The following TUSC7 variants were observed in gnomAD, a reference collection of about 807,000 sequenced individuals.
The protein encoded by TUSC7 is tumor suppressor candidate 7.
chr3:116,713,074 C>G (rs530108893), intron 1 of TUSC7, among the ~76,000 whole-genome samples: 15 of 152,246 alleles, frequency 9.9e-5, no homozygotes, highest in Admixed American at 5.9e-4. Flanking sequence ...TCCCTTTCTT[C>G]TTATTCTAGA....
intron 1 of TUSC7, chr3:116,710,151 C>T (rs1187767809): frequency 2.0e-5 from 3 of 152,124 alleles, no homozygotes; most frequent in Non-Finnish European, 4.4e-5. Flanking sequence ...CCCAAGATTT[C>T]AGTGGTATTG....
intron 1 of TUSC7, among the ~76,000 whole-genome samples, chr3:116,710,732 T>C (rs2051456145): frequency 6.6e-6 from 1 of 152,146 alleles, no homozygotes; most frequent in Non-Finnish European, 1.5e-5. Flanking sequence ...ATGGTTTTTT[T>C]AGGAGTAAAC....
chr3:116,713,724 G>T (rs906732322), intron 1 of TUSC7, among the ~76,000 whole-genome samples: 1 of 152,182 alleles, frequency 6.6e-6, no homozygotes, highest in Non-Finnish European at 1.5e-5. Context: ...CCAGCACTTT[G>T]GGAGGCCGAG....
chr3:116,715,914 A>G (rs890120340), intron 1 of TUSC7, among the ~76,000 whole-genome samples: 2 of 152,182 alleles, frequency 1.3e-5, no homozygotes, highest in Admixed American at 6.6e-5. Flanking sequence ...TTGAGATTTT[A>G]TAATATTTTA....
intron 1 of TUSC7, chr3:116,716,125 T>G (rs1488907697): frequency 6.6e-6 from 1 of 152,228 alleles, no homozygotes; most frequent in Non-Finnish European, 1.5e-5. Context: ...TACTTATTTC[T>G]GATGAAAGCA....
intron 1 of TUSC7, among the ~76,000 whole-genome samples, chr3:116,710,625 A>T (rs1463877818): frequency 6.6e-6 from 1 of 152,176 alleles, no homozygotes; most frequent in Non-Finnish European, 1.5e-5. Flanking sequence ...AAATGTAAGT[A>T]CTACTTTTCA....
chr3:116,712,074 T>C (rs2051467343), intron 1 of TUSC7, among the ~76,000 whole-genome samples: 1 of 152,230 alleles, frequency 6.6e-6, no homozygotes, highest in Non-Finnish European at 1.5e-5. Flanking sequence ...TCTGCTTTCA[T>C]ACTAAATAAA....
At chr3:116,713,993 G>A (rs1242849959) in intron 1 of TUSC7, 3 of 152,052 alleles carry the variant, frequency 2.0e-5, no homozygotes, top group Non-Finnish European at 2.9e-5. Context: ...AAAGAAAAAA[G>A]AAGCTAGACT....
At chr3:116,713,749 T>C (rs888430734) in intron 1 of TUSC7, among the ~76,000 whole-genome samples, 3 of 152,146 alleles carry the variant, frequency 2.0e-5, no homozygotes, top group Middle Eastern at 3.2e-3. Flanking sequence ...TCTCATCACC[T>C]GAGGTCAGGA....
At chr3:116,711,180 G>C (rs144457428) in intron 1 of TUSC7, among the ~76,000 whole-genome samples, 2 of 152,256 alleles carry the variant, frequency 1.3e-5, no homozygotes, top group East Asian at 3.9e-4. Context: ...GTAGTATGTA[G>C]ACCAACACAA....
chr3:116,710,398 G>A (rs2051453548), intron 1 of TUSC7: 2 of 152,232 alleles, frequency 1.3e-5, no homozygotes, highest in South Asian at 4.1e-4. Flanking sequence ...TGATAGTCAA[G>A]ATGAAGATGT....
chr3:116,716,878 C>T (rs1022189875), intron 1 of TUSC7: 6 of 152,080 alleles, frequency 3.9e-5, no homozygotes, highest in Non-Finnish European at 7.4e-5. Context: ...TGCAAAACAG[C>T]TTTAATCCTT....
chr3:116,712,740 T>C (rs36080650), intron 1 of TUSC7: 42,613 of 151,606 alleles, frequency 0.28, 6,445 homozygotes, highest in South Asian at 0.51. Flanking sequence ...AAGTTGGGGG[T>C]GGGGGCGTTT....
chr3:116,715,578 T>A (rs1193543938), intron 1 of TUSC7, among the ~76,000 whole-genome samples: 1 of 152,204 alleles, frequency 6.6e-6, no homozygotes, highest in Non-Finnish European at 1.5e-5. Flanking sequence ...GATGACATAC[T>A]GTGTGGAAAT....
At chr3:116,713,404 C>G (rs2051478713) in intron 1 of TUSC7, among the ~76,000 whole-genome samples, 1 of 152,144 alleles carries the variant, frequency 6.6e-6, no homozygotes, top group South Asian at 2.1e-4. Flanking sequence ...AATATACCAT[C>G]CCAAGCAAGG....
At chr3:116,711,799 C>T (rs529915572) in intron 1 of TUSC7, among the ~76,000 whole-genome samples, 1 of 152,290 alleles carries the variant, frequency 6.6e-6, no homozygotes, top group African/African-American at 2.4e-5. Flanking sequence ...GTCTAATACA[C>T]TAGAAAATAC....
intron 1 of TUSC7, among the ~76,000 whole-genome samples, chr3:116,710,723 T>G (rs1026312360): frequency 6.6e-6 from 1 of 152,148 alleles, no homozygotes; most frequent in East Asian, 1.9e-4. Context: ...TCCAAACTAA[T>G]GGTTTTTTTA....
chr3:116,711,683 T>G (rs1049478778), intron 1 of TUSC7, among the ~76,000 whole-genome samples: 3 of 152,158 alleles, frequency 2.0e-5, no homozygotes, highest in African/African-American at 7.2e-5. Flanking sequence ...ATGAGTACAG[T>G]CAAACTTTAA....
intron 1 of TUSC7, chr3:116,712,385 A>G (rs935348306): frequency 5.3e-5 from 8 of 152,150 alleles, no homozygotes; most frequent in African/African-American, 1.9e-4. Context: ...TGTCCTCTGA[A>G]GTAACAACCA....
Sources: gnomAD v4.1 joint callset for allele counts (sites outside exome capture counted in the v4.1 genomes callset) on GRCh38, gnomAD v4.1.1 for gene constraint, MANE v1.5 for transcripts, NCBI Gene and HGNC (gene_info 2026-07-23, HGNC 2026-07-21) for gene names.